The following TRHDE variants were observed in gnomAD, a reference collection of about 807,000 sequenced individuals.
The protein encoded by TRHDE is thyrotropin-releasing hormone-degrading ectoenzyme.
TRHDE carries 72 observed loss-of-function variants against 125.7 expected under a neutral mutation model. That is an observed-to-expected ratio of 0.57 (90% CI 0.47 to 0.70). TRHDE has a LOEUF of 0.70. Ranked by LOEUF, TRHDE falls within the 30% of genes least tolerant of loss-of-function variation. TRHDE has a pLI of 0.00. For missense variants in TRHDE, 1,110 were observed against 1,327.1 expected (o/e 0.84, Z 2.54); for synonymous variants, 509 against 509.1 (o/e 1.00, Z 0.00).
chr12:72,548,082 C>G (rs1424913334), intron 7 of TRHDE, among the ~76,000 whole-genome samples: 1 of 151,718 alleles, frequency 6.6e-6, no homozygotes, highest in Non-Finnish European at 1.5e-5. Context: ...AGAGTCCTTA[C>G]TAGTGTAACA....
chr12:72,461,047 A>G (rs1017365181), intron 3 of TRHDE, among the ~76,000 whole-genome samples: 1 of 152,182 alleles, frequency 6.6e-6, no homozygotes, highest in South Asian at 2.1e-4. Flanking sequence ...TGGCAGGAGG[A>G]TCAGCAAAAA....
intron 6 of TRHDE, among the ~76,000 whole-genome samples, chr12:72,533,723 GTTT>G: frequency 6.1e-5 from 6 of 97,888 alleles, no homozygotes; most frequent in Non-Finnish European, 9.2e-5. Flanking sequence ...TTTTCTATTT[GTTT>G]TTTTTTTTTT....
Position 72,265,197 on chromosome 12 carries a change from G to A in TRHDE, n.280-112798G>A, listed in dbSNP as rs763245575. Among the ~76,000 whole-genome samples the A allele has an allele frequency of 2.0e-5, 3 of 151,324 alleles. No homozygotes were observed. In the East Asian group the frequency reaches 5.8e-4, roughly 29 times the overall value. On this transcript the variant is annotated intron_variant and non_coding_transcript_variant, in intron 2 of 4. Coordinates refer to the TRHDE transcript ENST00000548156. The stretch of plus-strand genomic sequence containing the variant: ...CTAACATATTTAGATTTTAATATTT[G>A]TAATTATAGCATACAAATAAATTTT...
intron 8 of TRHDE, among the ~76,000 whole-genome samples, 181 bp from the exon 9 acceptor site, chr12:72,562,672 A>G (rs1326415015): frequency 6.6e-6 from 1 of 152,058 alleles, no homozygotes; most frequent in Non-Finnish European, 1.5e-5. Context: ...TTTTATATAC[A>G]TTTATGAAGC....
At position 72,664,036 on chromosome 12, in the gene TRHDE, A is replaced by C. The variant is rs1463622559; in HGVS notation, c.*841A>C. On this transcript the variant is annotated 3_prime_UTR_variant, in exon 19 of 19. Transcript: ENST00000261180. ...TCAACATTATTCTTTCTATGTCCTA[A>C]CTAAATTTCTCAACTGTTATGAATT... 6.6e-6 allele frequency: 1 copy of C among 152,096 alleles called. No individual in the cohort carries two copies. The highest frequency in any genetic ancestry group is 1.5e-5 in the Non-Finnish European group (1 of 68,014). The allele number at this position is 152,096 out of a possible 1,614,324, so 9.4% of individuals were successfully genotyped here.
chr12:72,226,719 TTAA>T (rs566635922), intron 2 of TRHDE, among the ~76,000 whole-genome samples: 234 of 152,262 alleles, frequency 1.5e-3, no homozygotes, highest in African/African-American at 5.4e-3. Context: ...CTGGCATAAT[TTAA>T]TATGTCATGG....
chr12:72,495,974 C>T (rs781775505), intron 5 of TRHDE, among the ~76,000 whole-genome samples: 18 of 152,152 alleles, frequency 1.2e-4, no homozygotes, highest in Non-Finnish European at 2.1e-4. Flanking sequence ...TAGGTAGTAT[C>T]TACATTGAAG....
chr12:72,136,000 C>G (rs904249209), intron 2 of TRHDE, among the ~76,000 whole-genome samples: 2 of 152,050 alleles, frequency 1.3e-5, no homozygotes, highest in Non-Finnish European at 2.9e-5. Flanking sequence ...GTATGCTGTT[C>G]ATTTGCATCA....
chr12:72,217,138 TAAAAA>T (rs947645971), intron 2 of TRHDE, among the ~76,000 whole-genome samples: 5 of 152,046 alleles, frequency 3.3e-5, no homozygotes, highest in African/African-American at 1.2e-4. Context: ...CAAGAAATCT[TAAAAA>T]AAGAAGAGCA....
At chr12:72,445,934 T>G (rs1875255590) in intron 3 of TRHDE, among the ~76,000 whole-genome samples, 1 of 151,934 alleles carries the variant, frequency 6.6e-6, no homozygotes, top group African/African-American at 2.4e-5. Context: ...ACTGGTTGGT[T>G]AGGGATGAAG....
At chr12:72,388,018 C>G (rs1207323566) in intron 3 of TRHDE, among the ~76,000 whole-genome samples, 2 of 152,024 alleles carry the variant, frequency 1.3e-5, no homozygotes, top group African/African-American at 4.8e-5. Flanking sequence ...CATGCTTGCC[C>G]CTACCCTTTA....
intron 1 of TRHDE, among the ~76,000 whole-genome samples, chr12:72,281,338 C>T (rs777236478): frequency 2.0e-5 from 3 of 152,124 alleles, no homozygotes; most frequent in African/African-American, 4.8e-5. Flanking sequence ...ATTTAGTCAT[C>T]GAGTAACAAT....
chr12:72,101,424 C>G (rs978497009), intron 1 of TRHDE, among the ~76,000 whole-genome samples: 1 of 152,152 alleles, frequency 6.6e-6, no homozygotes, highest in Non-Finnish European at 1.5e-5. Context: ...ATGTACAATC[C>G]TTTCAAAGTT....
intron 2 of TRHDE, among the ~76,000 whole-genome samples, chr12:72,295,534 G>T (rs552389901): frequency 1.3e-5 from 2 of 152,276 alleles, no homozygotes; most frequent in East Asian, 3.9e-4. Context: ...ATTTTATTGT[G>T]TGGACTGACT....
At position 72,430,337 on chromosome 12, in the gene TRHDE, G is replaced by A. The variant is rs543435859; in HGVS notation, c.1316-39421G>A. ...TATATACATGTATACATATATACATGTATATATACATGTATACATATATAC... is the reference window on the plus strand; with the variant it reads ...TATATACATGTATACATATATACATATATATATACATGTATACATATATAC... On this transcript the variant is annotated intron_variant, in intron 3 of 18. Transcript: ENST00000261180. Among the ~76,000 whole-genome samples the A allele has an allele frequency of 2.6e-4, 36 of 139,060 alleles. 1 individual carries two copies. The highest frequency in any genetic ancestry group is 4.4e-4 in the Admixed American group (6 of 13,728). 91.2% of individuals were successfully genotyped at this position (139,060 alleles called of 152,430 possible). A position where few individuals can be genotyped will look rare whatever the true frequency, so the allele number is the denominator to read the frequency against.
intron 10 of TRHDE, among the ~76,000 whole-genome samples, chr12:72,570,777 G>A (rs1317426186): frequency 6.6e-6 from 1 of 152,104 alleles, no homozygotes; most frequent in African/African-American, 2.4e-5. Flanking sequence ...TACAGCTGCA[G>A]CGTTTGCGCA....
intron 3 of TRHDE, among the ~76,000 whole-genome samples, chr12:72,411,110 G>C (rs1367288372): frequency 6.6e-6 from 1 of 151,680 alleles, no homozygotes. Context: ...GGCTGAGGCA[G>C]GAGAATGGTG....
At chr12:72,322,278 A>G (rs141622755) in intron 2 of TRHDE, among the ~76,000 whole-genome samples, 1 of 151,936 alleles carries the variant, frequency 6.6e-6, no homozygotes, top group East Asian at 1.9e-4. Context: ...AGTGCCACTT[A>G]TTTTCTTGCA....
At chr12:72,288,474 T>A (rs1292152858) in intron 2 of TRHDE, among the ~76,000 whole-genome samples, 1 of 152,168 alleles carries the variant, frequency 6.6e-6, no homozygotes, top group Non-Finnish European at 1.5e-5. Flanking sequence ...ATTTTACTCT[T>A]TTGGATTTAT....
Sources: allele counts gnomAD v4.1 joint callset (sites outside exome capture counted in the v4.1 genomes callset), GRCh38; gene constraint gnomAD v4.1.1; transcripts MANE v1.5; gene names NCBI Gene and HGNC (gene_info 2026-07-23, HGNC 2026-07-21).